Variants in TMEM117 observed in about 807,000 individuals in gnomAD.
TMEM117 encodes the protein transmembrane protein 117.
TMEM117 carries 27 observed loss-of-function variants against 52.4 expected under a neutral mutation model. The observed-to-expected ratio is 0.51, with a 90% confidence interval of 0.38 to 0.71. TMEM117 has a LOEUF of 0.71. Ranked by LOEUF, TMEM117 falls within the 30% of genes least tolerant of loss-of-function variation. The pLI, the probability that TMEM117 is intolerant of heterozygous loss-of-function variation, is 0.00. For synonymous variants in TMEM117, 215 were observed against 206.3 expected, an observed-to-expected ratio of 1.04 and a Z score of -0.36; for missense variants, 556 against 630.5, an observed-to-expected ratio of 0.88 and a Z score of 1.26.
the TMEM117 span, among the ~76,000 whole-genome samples, chr12:43,822,753 C>T: frequency 6.6e-6 from 1 of 151,886 alleles, no homozygotes; most frequent in South Asian, 2.1e-4. Context: ...TGGCAATAGC[C>T]AGGCATGGTG....
chr12:44,017,904 G>A (rs541073364), intron 3 of TMEM117, among the ~76,000 whole-genome samples: 2 of 151,690 alleles, frequency 1.3e-5, no homozygotes, highest in African/African-American at 2.4e-5. Flanking sequence ...AAATGACAGA[G>A]TTTTGATTTT....
intron 3 of TMEM117, among the ~76,000 whole-genome samples, chr12:43,989,131 A>G (rs1335187860): frequency 6.6e-6 from 1 of 152,126 alleles, no homozygotes; most frequent in East Asian, 1.9e-4. Flanking sequence ...TCCAAGTGCT[A>G]ATAAGATAGC....
chr12:44,102,423 T>G (rs1947877550), intron 3 of TMEM117, among the ~76,000 whole-genome samples: 1 of 151,988 alleles, frequency 6.6e-6, no homozygotes, highest in Non-Finnish European at 1.5e-5. Flanking sequence ...GTTCTTTTTT[T>G]TCCCCTCAGT....
At chr12:43,891,735 A>G (rs979040533) in intron 2 of TMEM117, among the ~76,000 whole-genome samples, 1 of 152,116 alleles carries the variant, frequency 6.6e-6, no homozygotes, top group Non-Finnish European at 1.5e-5. Flanking sequence ...CTTATTTTAT[A>G]TAATTTTCTC....
chr12:44,037,152 G>A (rs1385894826), intron 3 of TMEM117, among the ~76,000 whole-genome samples: 1 of 152,130 alleles, frequency 6.6e-6, no homozygotes, highest in African/African-American at 2.4e-5. Flanking sequence ...TGAAGCTGCA[G>A]CCACCCAAGC....
At chr12:44,246,771 C>T (rs1048456134) in intron 5 of TMEM117, among the ~76,000 whole-genome samples, 1 of 152,158 alleles carries the variant, frequency 6.6e-6, no homozygotes, top group African/African-American at 2.4e-5. Flanking sequence ...GTAACAGTCT[C>T]AATGGAGCAA....
intron 5 of TMEM117, among the ~76,000 whole-genome samples, chr12:44,236,231 C>T (rs139338196): frequency 0.01 from 1,574 of 151,854 alleles, 111 homozygotes; most frequent in Admixed American, 0.092. Flanking sequence ...TTCTCTTCCA[C>T]TTTTCTATCT....
intron 5 of TMEM117, among the ~76,000 whole-genome samples, chr12:44,243,478 A>T (rs1318541674): frequency 1.3e-5 from 2 of 151,890 alleles, no homozygotes; most frequent in Non-Finnish European, 2.9e-5. Context: ...CATTCAAACC[A>T]GTTATCCTTT....
At chr12:44,233,747 A>C (rs753139956) in intron 5 of TMEM117, among the ~76,000 whole-genome samples, 1 of 151,336 alleles carries the variant, frequency 6.6e-6, no homozygotes, top group Non-Finnish European at 1.5e-5. Context: ...ATATTGCCAA[A>C]TTTTATCACA....
chr12:43,837,080 G>A (rs78143494), intron 1 of TMEM117, among the ~76,000 whole-genome samples: 1,714 of 152,026 alleles, frequency 0.011, 44 homozygotes, highest in African/African-American at 0.038. Flanking sequence ...TTTGACCATG[G>A]ATATACTTTC....
intron 6 of TMEM117, among the ~76,000 whole-genome samples, chr12:44,341,919 G>T (rs1452072830): frequency 6.6e-6 from 1 of 152,140 alleles, no homozygotes; most frequent in Non-Finnish European, 1.5e-5. Flanking sequence ...GACGTGGCAA[G>T]TGAGTTCTCT....
chr12:44,094,916 G>A (rs542579189), intron 3 of TMEM117, among the ~76,000 whole-genome samples: 2 of 152,188 alleles, frequency 1.3e-5, no homozygotes, highest in Admixed American at 1.3e-4. Flanking sequence ...AATATTATTT[G>A]TCTGAAAGTA....
At position 43,927,231 on chromosome 12, in the gene TMEM117, C is replaced by A. The variant is rs75288751; in HGVS notation, c.278-16979C>A. Among the ~76,000 whole-genome samples, 438 of 152,008 alleles carry A rather than the reference C, an allele frequency of 2.9e-3. 3 individuals are homozygous for A. Among genetic ancestry groups the A allele is most frequent in the African/African-American group, 8.6e-3 (359 of 41,536 alleles). On this transcript the variant is annotated intron_variant, in intron 2 of 7. Coordinates refer to ENST00000266534, the MANE Select transcript of TMEM117 (RefSeq NM_032256.3). ...TTATTTAACATTTTGTTACTAATTT[C>A]TAATTGATTACATTTGTTTGGAAAT...
intron 3 of TMEM117, among the ~76,000 whole-genome samples, chr12:43,972,411 A>G (rs566975395): frequency 3.9e-5 from 6 of 152,190 alleles, no homozygotes; most frequent in Non-Finnish European, 8.8e-5. Flanking sequence ...GGTGGCATGG[A>G]CCCAAAGAGT....
intron 2 of TMEM117, among the ~76,000 whole-genome samples, chr12:43,879,794 T>C (rs147581421): frequency 4.1e-4 from 62 of 152,364 alleles, no homozygotes; most frequent in African/African-American, 1.1e-3. Flanking sequence ...TCTCCAGGCC[T>C]TCCTGTGTTA....
At chr12:43,823,891 A>G in the TMEM117 span, among the ~76,000 whole-genome samples, 2 of 152,172 alleles carry the variant, frequency 1.3e-5, no homozygotes, top group African/African-American at 4.8e-5. Context: ...CTAATTTCCT[A>G]TTGTTTTCCT....
intron 3 of TMEM117, among the ~76,000 whole-genome samples, chr12:44,118,103 A>C (rs1948175802): frequency 1.3e-5 from 2 of 152,146 alleles, no homozygotes; most frequent in African/African-American, 4.8e-5. Context: ...GAGTGATGGA[A>C]TATCAGGTGA....
chr12:43,801,621 A>G, the TMEM117 span, among the ~76,000 whole-genome samples: 1 of 152,210 alleles, frequency 6.6e-6, no homozygotes, highest in African/African-American at 2.4e-5. Flanking sequence ...ATGTATGATA[A>G]TACTAACAAA....
At chr12:43,906,939 A>G (rs1193428102) in intron 2 of TMEM117, among the ~76,000 whole-genome samples, 1 of 152,234 alleles carries the variant, frequency 6.6e-6, no homozygotes, top group Non-Finnish European at 1.5e-5. Flanking sequence ...GCCATTGCCC[A>G]GGCTTGCTTA....
Sources: gnomAD v4.1 joint callset for allele counts (sites outside exome capture counted in the v4.1 genomes callset) on GRCh38, gnomAD v4.1.1 for gene constraint, MANE v1.5 for transcripts, NCBI Gene and HGNC (gene_info 2026-07-23, HGNC 2026-07-21) for gene names.